INTS1: variants seen among roughly 807,000 people sequenced by gnomAD.
INTS1 encodes the protein integrator complex subunit 1.
INTS1 carries 137 observed loss-of-function variants against 241.6 expected under a neutral mutation model. That is an observed-to-expected ratio of 0.57 (90% CI 0.49 to 0.65). The LOEUF is 0.65. Among genes scored for constraint, INTS1 ranks in the 30% least tolerant of loss-of-function variants. The pLI, the probability that INTS1 is intolerant of heterozygous loss-of-function variation, is 0.00. For synonymous variants in INTS1, 1,692 were observed against 1,337.8 expected (o/e 1.26, Z -5.78); for missense variants, 3,073 against 3,032.2 (o/e 1.01, Z -0.32).
At chr7:1,504,142 G>C (rs1434726711) in intron 1 of INTS1, 141 bp from the exon 2 acceptor site, 3 of 564,276 alleles carry the variant, frequency 5.3e-6, no homozygotes, top group East Asian at 6.8e-5. Flanking sequence ...TGCTGCAGGA[G>C]CTGCAGGGAC....
At position 1,481,589 on chromosome 7, in the gene INTS1, CACCT is replaced by C. The variant is rs372432299; in HGVS notation, c.3704-105_3704-102del. 1.5e-3 allele frequency: 1,890 copies of C among 1,266,826 alleles called. 5 individuals are homozygous for C. The highest frequency in any genetic ancestry group is 1.6e-3 in the Non-Finnish European group (1,549 of 954,284). 78.5% of individuals were successfully genotyped at this position (1,266,826 alleles called of 1,614,324 possible). The stretch of plus-strand genomic sequence containing the variant: ...GCTGCCTGTGTGCAGTGACCCCACC[CACCT>C]GAGACCCTGGGCCACGTGGGCTCGG... On this transcript the variant is annotated intron_variant, in intron 27 of 47. Transcript: ENST00000404767. The surrounding 1 kb of genome is among the most constrained non-coding windows in gnomAD (Gnocchi z 6.8).
In INTS1 at chr7:1,495,542, G is replaced by A. The variant is rs761376201; in HGVS notation, c.1723C>T (p.Leu575Phe). 1.2e-6 allele frequency: 2 copies of A among 1,610,462 alleles called. No homozygotes were observed. Among genetic ancestry groups the A allele is most frequent in the Admixed American group, 1.7e-5 (1 of 59,756 alleles). The change falls in exon 13 of 48, where the codon CTC becomes TTC. Residue 575 changes from leucine (L) to phenylalanine (F), a missense_variant. By Grantham distance (22) the Leu-to-Phe change is conservative (BLOSUM62 0). Transcript: ENST00000404767. ...GCAATCTGGTTCTGGAATGAGCGGAGCACTTCCAGGTCTGAAACAGACACG... is the reference window on the plus strand; with the variant it reads ...GCAATCTGGTTCTGGAATGAGCGGAACACTTCCAGGTCTGAAACAGACACG... The part of the protein sequence containing the change: ...DKGEKRNLEV[L>F]RSFQNQIAAI...
rs776895014 is a variant in INTS1 at position 1,481,534 on chromosome 7, G to A, written c.3704-46C>T. Reference sequence around the variant, plus strand: ...TAACGCCACCCAAAACCCGGGCAATGCGCACTCGGGACCCCACCCGAGACC... The same window carrying A: ...TAACGCCACCCAAAACCCGGGCAATACGCACTCGGGACCCCACCCGAGACC... On this transcript the variant is annotated intron_variant, in intron 27 of 47. Transcript: ENST00000404767. The surrounding 1 kb of genome is among the most constrained non-coding windows in gnomAD (Gnocchi z 6.8). 1 of 1,557,636 alleles carries A rather than the reference G, an allele frequency of 6.4e-7. No homozygotes were observed. The highest frequency in any genetic ancestry group is 1.3e-5 in the African/African-American group (1 of 74,236).
chr7:1,478,705 C>T, intron 32 of INTS1, 21 bp downstream of exon 32: 1 of 1,533,334 alleles, frequency 6.5e-7, no homozygotes, highest in Non-Finnish European at 8.8e-7. Context: ...CAGCCGTCTG[C>T]CAGCCCGGCG....
chr7:1,485,322 C>A lies in INTS1; in HGVS notation c.3124G>T (p.Val1042Phe), dbSNP rs758628443. Reference sequence around the variant, plus strand: ...AGGGCCAGGGCTGTGGTGCTCCTGACGCTGTCGAACAGAGGCAGGCGAGGC... The same window carrying A: ...AGGGCCAGGGCTGTGGTGCTCCTGAAGCTGTCGAACAGAGGCAGGCGAGGC... ...DLPRLPLFDS[V>F]RSTTALALQQ... The change falls in exon 23 of 48, where the codon GTC becomes TTC. Residue 1042 changes from valine (V) to phenylalanine (F), a missense_variant. Val to Phe is a conservative substitution (Grantham distance 50). Transcript: ENST00000404767. 9.9e-6 allele frequency: 16 copies of A among 1,611,676 alleles called. No homozygotes were observed. Among genetic ancestry groups the A allele is most frequent in the African/African-American group, 8.0e-5 (6 of 74,928 alleles).
At chr7:1,500,977 G>A (rs143795739) in intron 3 of INTS1, 1 of 152,198 alleles carries the variant, frequency 6.6e-6, no homozygotes, top group African/African-American at 2.4e-5. Flanking sequence ...AGTTTTTTAG[G>A]ACTGTGTTTT....
chr7:1,480,136 T>C (rs1781926487), intron 30 of INTS1, among the ~76,000 whole-genome samples, 181 bp downstream of exon 30: 1 of 152,238 alleles, frequency 6.6e-6, no homozygotes, highest in South Asian at 2.1e-4. Flanking sequence ...CATGGGGGTG[T>C]TACGTGAAAG....
chr7:1,492,995 GGGGCGTGGGCTTACCCCGGTGGGAGCT>G lies in INTS1; in HGVS notation c.2153_2165+14del, dbSNP rs1782654191. 1 of 1,568,702 alleles carries G rather than the reference GGGGCGTGGGCTTACCCCGGTGGGAGCT, an allele frequency of 6.4e-7. No homozygotes were observed. On this transcript the variant is annotated splice_donor_variant and splice_donor_5th_base_variant and coding_sequence_variant and intron_variant, in exon 16 of 48. Transcript: ENST00000404767. LOFTEE classifies it high-confidence loss of function. ...GCTTACCCGGGCGGGAGTGGGGAGC[GGGGCGTGGGCTTACCCCGGTGGGAGCT>G]GGATGTTTTCAGGGTGATGGTAGGT...
intron 16 of INTS1, 117 bp from the exon 17 acceptor site, chr7:1,489,799 G>A (rs1477762485): frequency 1.4e-6 from 1 of 692,030 alleles, no homozygotes; most frequent in Non-Finnish European, 2.4e-6. Context: ...CTCCTCCCGG[G>A]ACTGCCCTCC....
chr7:1,487,163 C>G (rs1375508864), intron 20 of INTS1, 62 bp from the exon 21 acceptor site: 3 of 1,524,802 alleles, frequency 2.0e-6, no homozygotes, highest in African/African-American at 2.8e-5. Context: ...CCGCCAGCCC[C>G]CCGGGTGACC....
At chr7:1,471,718 G>C in intron 44 of INTS1, 77 bp from the exon 45 acceptor site, 1 of 1,413,896 alleles carries the variant, frequency 7.1e-7, no homozygotes, top group Non-Finnish European at 1.0e-6. Context: ...GCCACCCAGA[G>C]GGGGCAAGGC....
In INTS1 at chr7:1,471,577, G is replaced by C. The variant is rs374746342; in HGVS notation, c.6249C>G (p.Phe2083Leu). The change falls in exon 45 of 48, where the codon TTC becomes TTG. Residue 2083 changes from phenylalanine to leucine, a missense_variant. Transcript: ENST00000404767. ...MSRRRPEILS[F>L]FSTNLQRLMS... is the part of the protein sequence containing the mutation. The stretch of plus-strand genomic sequence containing the variant: ...TCAGCCCCATCCAGCTCACCGAGAA[G>C]AAGCTCAGGATCTCGGGTCTCCGCC... 17 of 1,612,314 alleles carry C rather than the reference G, an allele frequency of 1.1e-5. 2 individuals are homozygous for C. In the East Asian group the frequency reaches 3.6e-4, roughly 34 times the overall value.
chr7:1,502,817 A>G (rs1783256002), intron 3 of INTS1, 84 bp downstream of exon 3: 1 of 1,469,330 alleles, frequency 6.8e-7, no homozygotes, highest in East Asian at 2.3e-5. Context: ...GGGCAGCACT[A>G]GGCCTGGAGG....
rs1583113681 is a variant in INTS1 at position 1,481,515 on chromosome 7, C to T, written c.3704-27G>A. 1.9e-6 allele frequency: 3 copies of T among 1,583,692 alleles called. No individual in the cohort carries two copies. The highest frequency in any genetic ancestry group is 2.6e-6 in the Non-Finnish European group (3 of 1,165,144). On this transcript the variant is annotated intron_variant, in intron 27 of 47. Transcript: ENST00000404767. The surrounding 1 kb of genome is among the most constrained non-coding windows in gnomAD (Gnocchi z 6.8). ...TGAGGGTGCACGCGCTCCGTAACGC[C>T]ACCCAAAACCCGGGCAATGCGCACT...
chr7:1,477,034 C>T (rs1182272659), intron 35 of INTS1, 116 bp from the exon 36 acceptor site: 5 of 1,267,846 alleles, frequency 3.9e-6, no homozygotes, highest in Non-Finnish European at 5.4e-6. Context: ...TGGGGTGCTG[C>T]CGGTAACACC....
At position 1,481,760 on chromosome 7, in the gene INTS1, C is replaced by A. The variant is rs1180755633; in HGVS notation, c.3704-272G>T. ...CCCGAGACCTGGGGCAGTGCACACT[C>A]GGCAGCCCCACCTGAGACCCTGGGC... On this transcript the variant is annotated intron_variant, in intron 27 of 47. Transcript: ENST00000404767. The surrounding 1 kb of genome is among the most constrained non-coding windows in gnomAD (Gnocchi z 6.8). Among the ~76,000 whole-genome samples the A allele has an allele frequency of 6.7e-6, 1 of 148,400 alleles. No individual in the cohort carries two copies. Among genetic ancestry groups the A allele is most frequent in the African/African-American group, 2.5e-5 (1 of 40,152 alleles).
chr7:1,473,920 C>T (rs889606769), intron 41 of INTS1, among the ~76,000 whole-genome samples: 1 of 152,244 alleles, frequency 6.6e-6, no homozygotes, highest in Admixed American at 6.5e-5. Context: ...CTCGAGGTAG[C>T]ACAAGCGACA....
At chr7:1,496,561 A>G (rs1027664379) in intron 11 of INTS1, among the ~76,000 whole-genome samples, 5 of 152,050 alleles carry the variant, frequency 3.3e-5, no homozygotes, top group Non-Finnish European at 7.4e-5. Context: ...CACACACACA[A>G]GCAGGGATCC....
intron 16 of INTS1, among the ~76,000 whole-genome samples, chr7:1,491,531 G>A (rs187602074): frequency 3.9e-5 from 6 of 152,346 alleles, no homozygotes; most frequent in South Asian, 2.1e-4. Context: ...TGGACTAGGC[G>A]ATAGTTTCTT....
Sources: gnomAD v4.1 joint callset for allele counts (sites outside exome capture counted in the v4.1 genomes callset) on GRCh38, gnomAD v4.1.1 for gene constraint, Gnocchi (gnomAD v3.1) non-coding constraint, MANE v1.5 for transcripts, NCBI Gene and HGNC (gene_info 2026-07-23, HGNC 2026-07-21) for gene names.